EDC4: variants seen among roughly 807,000 people sequenced by gnomAD.
EDC4 encodes the protein enhancer of mRNA-decapping protein 4.
A neutral mutation model predicts 155.8 loss-of-function variants in EDC4; 64 were observed. The ratio of observed to expected loss-of-function variants is 0.41; its 90% CI spans 0.34 to 0.51. The LOEUF is 0.51. EDC4 is among the 20% of genes least tolerant of loss of function. The pLI is 0.19. For synonymous variants in EDC4, 684 were observed against 716.8 expected (o/e 0.95, Z 0.73); for missense variants, 1,303 against 1,812.5 (o/e 0.72, Z 5.10).
chr16:67,884,296 G>A lies in EDC4; in HGVS notation c.*148G>A, dbSNP rs1336578393. Reference sequence around the variant, plus strand: ...TCAGGGAGCAGGGAGCACTGGCCGTGGTCTACAGCGTGTGGTAGTCAGAAG... The same window carrying A: ...TCAGGGAGCAGGGAGCACTGGCCGTAGTCTACAGCGTGTGGTAGTCAGAAG... On this transcript the variant is annotated 3_prime_UTR_variant, in exon 29 of 29. Transcript: ENST00000358933. The surrounding 1 kb of genome is among the most constrained non-coding windows in gnomAD (Gnocchi z 4.1). 3 of 742,078 alleles carry A rather than the reference G, an allele frequency of 4.0e-6. No individual in the cohort carries two copies. Among genetic ancestry groups the A allele is most frequent in the African/African-American group, 1.8e-5 (1 of 56,334 alleles). 46.0% of individuals were successfully genotyped at this position (742,078 alleles called of 1,614,324 possible).
Position 67,880,623 on chromosome 16 carries a change from G to A in EDC4, c.2164G>A (p.Ala722Thr). Residue 722 changes from alanine (A) to threonine (T), a missense_variant, in exon 18 of 29, where the codon GCC (alanine) becomes ACC (threonine). This residue lies in a region of EDC4 where 391 missense variants were observed against 445.4 expected (regional missense o/e 0.88). Transcript: ENST00000358933. This position sits in a 1 kb window ranked among gnomAD's most constrained non-coding sequence, Gnocchi z 5.2. Reference sequence around the variant, plus strand: ...AGTGGAGCCCCTGGGGCTACCCCAAGCCTCCCCTAGCCGCACTCGTTCCCC... The same window carrying A: ...AGTGGAGCCCCTGGGGCTACCCCAAACCTCCCCTAGCCGCACTCGTTCCCC... Reference protein sequence around the residue: ...QEVEPLGLPQASPSRTRSPDV... With the variant: ...QEVEPLGLPQTSPSRTRSPDV... 1 of 1,614,118 alleles carries A rather than the reference G, an allele frequency of 6.2e-7. No homozygotes were observed. Among genetic ancestry groups the A allele is most frequent in the Non-Finnish European group, 8.5e-7 (1 of 1,180,022 alleles).
At position 67,882,628 on chromosome 16, in the gene EDC4, G is replaced by A. The variant is rs1435253471; in HGVS notation, c.3442+34G>A. ...GGTCATATGGCCCAAGGTGGGAGGG[G>A]TTATCCTCTTTCCTACTGTTCCTCT... On this transcript the variant is annotated intron_variant, in intron 25 of 28. Transcript: ENST00000358933. The surrounding 1 kb of genome is among the most constrained non-coding windows in gnomAD (Gnocchi z 7.2). 1.9e-6 allele frequency: 3 copies of A among 1,614,206 alleles called. No homozygotes were observed. The highest frequency in any genetic ancestry group is 1.1e-5 in the South Asian group (1 of 91,086).
Position 67,880,058 on chromosome 16 carries a change from A to G in EDC4, c.1944-5A>G, listed in dbSNP as rs2058059367. 1.3e-6 allele frequency: 2 copies of G among 1,596,774 alleles called. No individual in the cohort carries two copies. The highest frequency in any genetic ancestry group is 1.7e-6 in the Non-Finnish European group (2 of 1,168,950). ...GCTGCTGACACCTCAGCCTTCCCCC[A>G]CCAGGCCACCTGAGGAGCTGACCTT... On this transcript the variant is annotated splice_polypyrimidine_tract_variant and splice_region_variant and intron_variant, in intron 16 of 28. Coordinates refer to ENST00000358933, the MANE Select transcript of EDC4 (RefSeq NM_014329.5). The surrounding 1 kb of genome is among the most constrained non-coding windows in gnomAD (Gnocchi z 5.2).
In EDC4 at chr16:67,883,193, G is replaced by C; in HGVS notation, c.3849+16G>C. The C allele has an allele frequency of 6.5e-7, 1 of 1,550,366 alleles. No individual in the cohort carries two copies. The highest frequency in any genetic ancestry group is 8.7e-7 in the Non-Finnish European group (1 of 1,148,484). On this transcript the variant is annotated intron_variant, in intron 27 of 28. Coordinates refer to ENST00000358933, the MANE Select transcript of EDC4 (RefSeq NM_014329.5). The surrounding 1 kb of genome is among the most constrained non-coding windows in gnomAD (Gnocchi z 5.3). ...CTTCCAGCAGGTACGATAGGCATTAGGCCCTGCTAAGGGTCACGTGTCTCT... is the reference window on the plus strand; with the variant it reads ...CTTCCAGCAGGTACGATAGGCATTACGCCCTGCTAAGGGTCACGTGTCTCT...
At position 67,878,247 on chromosome 16, in the gene EDC4, A is replaced by C. The variant is rs2058050016; in HGVS notation, c.976A>C (p.Ile326Leu). ...SHDGYVKFWQ[I>L]YIEGQDEPRC... ...CGATGGCTATGTCAAGTTCTGGCAGATCTACATTGAGGGGCAAGATGAGCC... is the reference window on the plus strand; with the variant it reads ...CGATGGCTATGTCAAGTTCTGGCAGCTCTACATTGAGGGGCAAGATGAGCC... Residue 326 changes from isoleucine to leucine, a missense_variant, in exon 8 of 29, where the codon ATC (isoleucine) becomes CTC (leucine). Coordinates refer to ENST00000358933, the MANE Select transcript of EDC4 (RefSeq NM_014329.5). The surrounding 1 kb of genome is among the most constrained non-coding windows in gnomAD (Gnocchi z 5.2). 1 of 1,614,066 alleles carries C rather than the reference A, an allele frequency of 6.2e-7. No individual in the cohort carries two copies. The highest frequency in any genetic ancestry group is 1.3e-5 in the African/African-American group (1 of 74,934).
At position 67,880,425 on chromosome 16, in the gene EDC4, C is replaced by T. The variant is rs969744815; in HGVS notation, c.2098-132C>T. 1.3e-5 allele frequency: 18 copies of T among 1,389,100 alleles called. No homozygotes were observed. The African/African-American group carries it at 1.6e-4, about 12-fold the overall frequency. The allele number at this position is 1,389,100 out of a possible 1,614,324, so 86.0% of individuals were successfully genotyped here. A position where few individuals can be genotyped will look rare whatever the true frequency, so the allele number is the denominator to read the frequency against. ...CACCTCCTCTTCTTGGCTGTGGCCT[C>T]GTTTTTGACCTGTATCCCCACTTCC... On this transcript the variant is annotated intron_variant, in intron 17 of 28. Transcript: ENST00000358933. The surrounding 1 kb of genome is among the most constrained non-coding windows in gnomAD (Gnocchi z 5.2).
chr16:67,883,936 C>T lies in EDC4; in HGVS notation c.4014-20C>T, dbSNP rs1264924872. 1 of 1,581,098 alleles carries T rather than the reference C, an allele frequency of 6.3e-7. No individual in the cohort carries two copies. On this transcript the variant is annotated intron_variant, in intron 28 of 28. Coordinates refer to ENST00000358933, the MANE Select transcript of EDC4 (RefSeq NM_014329.5). The surrounding 1 kb of genome is among the most constrained non-coding windows in gnomAD (Gnocchi z 5.3). ...CTGCTGGCACCCACCTGTAGCCTGT[C>T]CTTTCCCCCCCATCCCCAGCTACCT... is the stretch of plus-strand genomic sequence containing the variant.
rs745675613 is a variant in EDC4 at position 67,880,735 on chromosome 16, C to T, written c.2276C>T (p.Ser759Phe). 6.1e-5 allele frequency: 99 copies of T among 1,614,130 alleles called. No homozygotes were observed. Among genetic ancestry groups the T allele is most frequent in the Non-Finnish European group, 7.8e-5 (92 of 1,180,048 alleles). The part of the protein sequence containing the change: ...SEALSRGFGS[S>F]APEGLEPDSM... ...GCCCTGTCCCGTGGTTTTGGCTCCT[C>T]TGCACCAGAGGGCCTTGAGCCAGAC... is the stretch of plus-strand genomic sequence containing the variant. Residue 759 changes from serine to phenylalanine, a missense_variant, in exon 18 of 29, where the codon TCT (serine) becomes TTT (phenylalanine). Ser to Phe is a radical substitution (Grantham distance 155). Around this residue, in one of 5 missense-constraint regions of EDC4, gnomAD observed 391 missense variants for 445.4 expected, o/e 0.88. Coordinates refer to ENST00000358933, the MANE Select transcript of EDC4 (RefSeq NM_014329.5). The surrounding 1 kb of genome is among the most constrained non-coding windows in gnomAD (Gnocchi z 5.2).
intron 1 of EDC4, among the ~76,000 whole-genome samples, chr16:67,875,464 C>A (rs1428218054): frequency 6.6e-6 from 1 of 152,220 alleles, no homozygotes; most frequent in Non-Finnish European, 1.5e-5. Context: ...CTGGCCAGAA[C>A]TGACCACATC....
chr16:67,882,177 T>C lies in EDC4; in HGVS notation c.3161-35T>C, dbSNP rs1307436532. ...AGTGGGGTACCTGTCAAGCTTCTTCTCATGGCTCCACCTCACCCTCTTCCC... is the reference window on the plus strand; with the variant it reads ...AGTGGGGTACCTGTCAAGCTTCTTCCCATGGCTCCACCTCACCCTCTTCCC... On this transcript the variant is annotated intron_variant, in intron 23 of 28. Transcript: ENST00000358933. This position sits in a 1 kb window ranked among gnomAD's most constrained non-coding sequence, Gnocchi z 7.2. 6.2e-7 allele frequency: 1 copy of C among 1,613,304 alleles called. No homozygotes were observed. Among genetic ancestry groups the C allele is most frequent in the Admixed American group, 1.7e-5 (1 of 59,810 alleles).
Position 67,881,803 on chromosome 16 carries a change from G to A in EDC4, c.2962G>A (p.Gly988Ser). 1 of 1,614,074 alleles carries A rather than the reference G, an allele frequency of 6.2e-7. No individual in the cohort carries two copies. Among genetic ancestry groups the A allele is most frequent in the Non-Finnish European group, 8.5e-7 (1 of 1,179,924 alleles). ...QLEGLQSTVT[G>S]HVERALETRH... The stretch of plus-strand genomic sequence containing the variant: ...CGAAGGCCTGCAGAGCACAGTCACA[G>A]GCCACGTAGAACGTGCCCTTGAGAC... Residue 988 changes from glycine to serine, a missense_variant, in exon 22 of 29, where the codon GGC (glycine) becomes AGC (serine). By Grantham distance (56) the Gly-to-Ser change is moderately conservative. Around this residue, in one of 5 missense-constraint regions of EDC4, gnomAD observed 527 missense variants for 757.0 expected, o/e 0.70. Transcript: ENST00000358933. This position sits in a 1 kb window ranked among gnomAD's most constrained non-coding sequence, Gnocchi z 5.4.
At chr16:67,875,126 A>C (rs1196503528) in intron 1 of EDC4, among the ~76,000 whole-genome samples, 1 of 152,178 alleles carries the variant, frequency 6.6e-6, no homozygotes, top group Non-Finnish European at 1.5e-5. Flanking sequence ...GGATTTTGGA[A>C]ATGGTGTCTG....
chr16:67,877,026 C>T lies in EDC4; in HGVS notation c.451+54C>T. The T allele has an allele frequency of 6.2e-7, 1 of 1,603,494 alleles. No homozygotes were observed. The highest frequency in any genetic ancestry group is 8.5e-7 in the Non-Finnish European group (1 of 1,174,210). ...TGTTCTGCTGGATGTCCCACAGAGCCAGTTCCAACATCAGGCCACTCAGGC... is the reference window on the plus strand; with the variant it reads ...TGTTCTGCTGGATGTCCCACAGAGCTAGTTCCAACATCAGGCCACTCAGGC... On this transcript the variant is annotated intron_variant, in intron 4 of 28. Coordinates refer to ENST00000358933, the MANE Select transcript of EDC4 (RefSeq NM_014329.5). The surrounding 1 kb of genome is among the most constrained non-coding windows in gnomAD (Gnocchi z 4.9).
chr16:67,875,545 C>T (rs117875362), intron 1 of EDC4, among the ~76,000 whole-genome samples: 4,523 of 152,254 alleles, frequency 0.03, 100 homozygotes, highest in Middle Eastern at 0.16. Context: ...GGCATCATAC[C>T]TGATGCCTCT....
Position 67,873,107 on chromosome 16 carries a change from A to G in EDC4, c.-155A>G, listed in dbSNP as rs1003907619. The G allele has an allele frequency of 1.7e-4, 88 of 517,580 alleles. No individual in the cohort carries two copies. Among genetic ancestry groups the G allele is most frequent in the Non-Finnish European group, 2.6e-4 (83 of 321,032 alleles). The allele number at this position is 517,580 out of a possible 1,614,324, so 32.1% of individuals were successfully genotyped here. ...GCGGTTGGTGGGGTTGGCGGGGCTC[A>G]GCGACGCTGCGCGGGTGGCGGTTTG... On this transcript the variant is annotated 5_prime_UTR_variant, in exon 1 of 29. Coordinates refer to ENST00000358933, the MANE Select transcript of EDC4 (RefSeq NM_014329.5).
At position 67,883,290 on chromosome 16, in the gene EDC4, C is replaced by A; in HGVS notation, c.3849+113C>A. The A allele has an allele frequency of 6.9e-7, 1 of 1,445,736 alleles. No individual in the cohort carries two copies. The highest frequency in any genetic ancestry group is 9.1e-7 in the Non-Finnish European group (1 of 1,094,452). The allele number at this position is 1,445,736 out of a possible 1,614,324, so 89.6% of individuals were successfully genotyped here. On this transcript the variant is annotated intron_variant, in intron 27 of 28. Coordinates refer to ENST00000358933, the MANE Select transcript of EDC4 (RefSeq NM_014329.5). The surrounding 1 kb of genome is among the most constrained non-coding windows in gnomAD (Gnocchi z 5.3). ...CACCTTCTGGCCCCAGCAGACTGTT[C>A]TTGGTTCCCTTTGGCCTCCAGGCCA...
intron 1 of EDC4, 47 bp from the exon 2 acceptor site, chr16:67,875,898 G>A: frequency 1.9e-6 from 3 of 1,589,104 alleles, no homozygotes; most frequent in Non-Finnish European, 2.6e-6. Context: ...GGAGAGGCTT[G>A]TGGGCAGGTC....
rs747626369 is a variant in EDC4, at chr16:67,880,958, T to A, written c.2499T>A (p.Ile833=). 1.2e-6 allele frequency: 2 copies of A among 1,613,874 alleles called. No individual in the cohort carries two copies. The highest frequency in any genetic ancestry group is 2.2e-5 in the South Asian group (2 of 91,090). The part of the protein sequence containing the change: ...DSQVWPTAPD[I]TRETCSTLAE... ...AGGTTTGGCCCACAGCACCTGACAT[T>A]ACTCGTGAGACCTGCAGCACCCTGG... Residue 833 remains isoleucine, a synonymous_variant, in exon 18 of 29, where the codon ATT becomes ATA. Coordinates refer to ENST00000358933, the MANE Select transcript of EDC4 (RefSeq NM_014329.5). This position sits in a 1 kb window ranked among gnomAD's most constrained non-coding sequence, Gnocchi z 5.2.
Position 67,879,345 on chromosome 16 carries a change from GTGTC to G in EDC4, c.1541+42_1541+45del. 3 of 1,614,220 alleles carry G rather than the reference GTGTC, an allele frequency of 1.9e-6. No homozygotes were observed. The highest frequency in any genetic ancestry group is 2.5e-6 in the Non-Finnish European group (3 of 1,180,046). The stretch of plus-strand genomic sequence containing the variant: ...GGGGAGGCCCGCCAGTGTCCTGTCT[GTGTC>G]TGTCTCCACTCTACTGACCCTTGCC... On this transcript the variant is annotated intron_variant, in intron 13 of 28. Coordinates refer to ENST00000358933, the MANE Select transcript of EDC4 (RefSeq NM_014329.5). The surrounding 1 kb of genome is among the most constrained non-coding windows in gnomAD (Gnocchi z 6.0).
Sources: allele counts gnomAD v4.1 joint callset (sites outside exome capture counted in the v4.1 genomes callset), GRCh38; gene constraint gnomAD v4.1.1; regional missense constraint gnomAD v4.1.1; non-coding constraint Gnocchi (gnomAD v3.1); transcripts MANE v1.5; gene names NCBI Gene and HGNC (gene_info 2026-07-23, HGNC 2026-07-21).